RNF216: variants seen among roughly 807,000 people sequenced by gnomAD.
RNF216 encodes E3 ubiquitin-protein ligase RNF216.
In RNF216, 72 loss-of-function variants were observed where a neutral mutation model predicts 110.8. The observed-to-expected ratio is 0.65, with a 90% confidence interval of 0.54 to 0.79. The LOEUF (loss-of-function observed/expected upper bound fraction) is 0.79, where lower values mean the gene tolerates loss of function less well. Among genes scored for constraint, RNF216 ranks in the 30% least tolerant of loss-of-function variants. RNF216 has a pLI of 0.00. For synonymous variants in RNF216, 495 were observed against 407.5 expected, an observed-to-expected ratio of 1.21 and a Z score of -2.59; for missense variants, 1,342 against 1,141.2, an observed-to-expected ratio of 1.18 and a Z score of -2.54.
chr7:5,700,164 T>C (rs1378826849), intron 13 of RNF216, among the ~76,000 whole-genome samples: 1 of 152,076 alleles, frequency 6.6e-6, no homozygotes, highest in Non-Finnish European at 1.5e-5. Context: ...CTCTTCTACC[T>C]GGAAGGCTGG....
At chr7:5,746,520 G>A (rs1301457397) in intron 3 of RNF216, among the ~76,000 whole-genome samples, 4 of 152,194 alleles carry the variant, frequency 2.6e-5, no homozygotes, top group African/African-American at 9.6e-5. Context: ...GAATCTGTGG[G>A]TATGTGGATT....
At chr7:5,678,973 T>A (rs73339924) in intron 13 of RNF216, among the ~76,000 whole-genome samples, 6 of 152,190 alleles carry the variant, frequency 3.9e-5, no homozygotes, top group African/African-American at 1.4e-4. Context: ...ATGGCCTCAA[T>A]AGAGCAAAGA....
rs1795866009 is a variant in RNF216, at chr7:5,760,338, G to C, written c.67+665C>G. ...TCAAGACTAGCCTGAACAACGTGGA[G>C]AAACCCCATCTCTACTAAAAATACA... On this transcript the variant is annotated intron_variant, in intron 2 of 16. Transcript: ENST00000389902. 4 of 236,110 alleles carry C rather than the reference G, an allele frequency of 1.7e-5. No homozygotes were observed. The South Asian group carries it at 1.9e-4, about 11-fold the overall frequency. The allele number at this position is 236,110 out of a possible 1,614,324, so 14.6% of individuals were successfully genotyped here.
At chr7:5,742,832 A>G (rs540824465) in intron 3 of RNF216, among the ~76,000 whole-genome samples, 94 of 151,670 alleles carry the variant, frequency 6.2e-4, no homozygotes, top group Admixed American at 1.8e-3. Flanking sequence ...CTGACCTCAG[A>G]TGACTGGCCC....
chr7:5,776,971 A>T (rs981054762), intron 1 of RNF216, among the ~76,000 whole-genome samples: 1 of 151,110 alleles, frequency 6.6e-6, no homozygotes, highest in Admixed American at 6.6e-5. Context: ...AAAGAAAAAG[A>T]AAGTGAAAGA....
intron 1 of RNF216, among the ~76,000 whole-genome samples, chr7:5,768,346 TACACACACACACAC>T (rs71004702): frequency 1.3e-3 from 95 of 71,938 alleles, no homozygotes; most frequent in East Asian, 0.012. Flanking sequence ...GGCAGGCAAA[TACACACACACACAC>T]ACACACACAC....
chr7:5,723,666 A>G (rs1793582819), intron 8 of RNF216, among the ~76,000 whole-genome samples: 1 of 152,098 alleles, frequency 6.6e-6, no homozygotes, highest in Admixed American at 6.6e-5. Flanking sequence ...AAATAAATAA[A>G]TAAATGCAAT....
intron 9 of RNF216, among the ~76,000 whole-genome samples, chr7:5,719,297 C>G (rs1228760359): frequency 6.6e-6 from 1 of 152,120 alleles, no homozygotes; most frequent in African/African-American, 2.4e-5. Flanking sequence ...ACTGCTTGAG[C>G]CCAGGAGGTA....
chr7:5,653,004 C>A (rs375082945), intron 13 of RNF216, among the ~76,000 whole-genome samples: 1 of 152,146 alleles, frequency 6.6e-6, no homozygotes, highest in Non-Finnish European at 1.5e-5. Context: ...GTAGCACGAG[C>A]TGCTTGGCAG....
chr7:5,699,679 A>G (rs1317366854), intron 13 of RNF216, among the ~76,000 whole-genome samples: 1 of 152,242 alleles, frequency 6.6e-6, no homozygotes, highest in Non-Finnish European at 1.5e-5. Context: ...TTAGTTTCAG[A>G]AGAGATGGCA....
chr7:5,674,777 C>T (rs1790163479), intron 13 of RNF216, among the ~76,000 whole-genome samples: 6 of 152,070 alleles, frequency 3.9e-5, no homozygotes, highest in Admixed American at 3.3e-4. Flanking sequence ...TGGCAGATCA[C>T]CTGAGATCAG....
In RNF216 at chr7:5,671,372, T is replaced by C. The variant is rs192773895; in HGVS notation, c.2062-18862A>G. ...TGGCTGTTATGAACTGAACTGTGTC[T>C]CCCTCAAATGCATATGTGAAGCCCT... On this transcript the variant is annotated intron_variant, in intron 13 of 16. Coordinates refer to ENST00000389902, the MANE Select transcript of RNF216 (RefSeq NM_207111.4). Among the ~76,000 whole-genome samples the C allele has an allele frequency of 2.0e-4, 30 of 152,326 alleles. No homozygotes were observed. In the East Asian group the frequency reaches 5.6e-3, roughly 28 times the overall value.
intron 1 of RNF216, chr7:5,775,275 C>G (rs1031952766): frequency 6.6e-6 from 1 of 152,150 alleles, no homozygotes; most frequent in African/African-American, 2.4e-5. Context: ...AAGAGAATCG[C>G]TCACGGTTCT....
At chr7:5,671,187 T>A (rs1476275669) in intron 13 of RNF216, among the ~76,000 whole-genome samples, 1 of 152,186 alleles carries the variant, frequency 6.6e-6, no homozygotes, top group Non-Finnish European at 1.5e-5. Flanking sequence ...CATGTGCCCA[T>A]GTGAAGGCTG....
chr7:5,706,201 C>T (rs1792278069), intron 13 of RNF216, among the ~76,000 whole-genome samples: 1 of 134,340 alleles, frequency 7.4e-6, no homozygotes, highest in Non-Finnish European at 1.5e-5. Context: ...GCCTGAGCAA[C>T]ACAGCGACAC....
chr7:5,760,901 G>T (rs964292450), intron 2 of RNF216, 102 bp downstream of exon 2: 2 of 906,360 alleles, frequency 2.2e-6, no homozygotes, highest in Non-Finnish European at 3.4e-6. Context: ...AAATGTCCCT[G>T]GATTCTAAAT....
At chr7:5,662,083 CAG>C (rs1372856474) in intron 13 of RNF216, among the ~76,000 whole-genome samples, 1 of 152,220 alleles carries the variant, frequency 6.6e-6, no homozygotes. Flanking sequence ...GTGTGAGCAT[CAG>C]GGCATCAAAG....
At chr7:5,773,535 C>G (rs2128682453) in intron 1 of RNF216, among the ~76,000 whole-genome samples, 2 of 151,930 alleles carry the variant, frequency 1.3e-5, no homozygotes, top group South Asian at 4.2e-4. Context: ...GCCACCACAC[C>G]CAGCCAGATT....
At chr7:5,716,386 A>G (rs1020655840) in intron 10 of RNF216, among the ~76,000 whole-genome samples, 2 of 152,120 alleles carry the variant, frequency 1.3e-5, no homozygotes, top group African/African-American at 4.8e-5. Flanking sequence ...TTTTACATAC[A>G]GAAACCCATC....
Sources: gnomAD v4.1 joint callset for allele counts (sites outside exome capture counted in the v4.1 genomes callset) on GRCh38, gnomAD v4.1.1 for gene constraint, MANE v1.5 for transcripts, NCBI Gene and HGNC (gene_info 2026-07-23, HGNC 2026-07-21) for gene names.